The following GPR143 variants were observed in gnomAD, a reference collection of about 807,000 sequenced individuals.
GPR143 encodes the protein G protein-coupled receptor 143, also known as G-protein coupled receptor 143.
GPR143 carries 8 observed loss-of-function variants against 27.6 expected under a neutral mutation model. That is an observed-to-expected ratio of 0.29 (90% CI 0.17 to 0.52). The LOEUF (loss-of-function observed/expected upper bound fraction) is 0.52. GPR143 is among the 20% of genes least tolerant of loss of function. The pLI, the probability that GPR143 is intolerant of heterozygous loss-of-function variation, is 0.96. For synonymous variants in GPR143, 156 were observed against 153.2 expected (o/e 1.02, Z -0.13); for missense variants, 303 against 343.1 (o/e 0.88, Z 0.92).
intron 1 of GPR143, among the ~76,000 whole-genome samples, chrX:9,763,181 C>T (rs998580092): frequency 4.5e-5 from 5 of 110,128 alleles, no homozygotes; most frequent in Non-Finnish European, 7.6e-5. Context: ...TCAAGCAATC[C>T]GTCCACCACA....
At chrX:9,769,371 C>T (rs772228970), upstream of GPR143, among the ~76,000 whole-genome samples, 3 of 111,327 alleles carry the variant, frequency 2.7e-5, no homozygotes, top group South Asian at 7.6e-4. Context: ...TGCTGGAAGA[C>T]GGTTCCTGAG....
At chrX:9,753,259 G>C (rs762176081) in intron 3 of GPR143, among the ~76,000 whole-genome samples, 2 of 110,213 alleles carry the variant, frequency 1.8e-5, no homozygotes, top group Non-Finnish European at 3.8e-5. Flanking sequence ...TCAGGAGACT[G>C]AGGCAGGAGA....
chrX:9,774,868 G>T (rs757673647), intron 1 of GPR143, among the ~76,000 whole-genome samples: 114 of 110,668 alleles, frequency 1.0e-3, no homozygotes, highest in African/African-American at 3.7e-3. Context: ...TTTTTTGTTT[G>T]TTTGGTTTTT....
At chrX:9,774,613 T>A (rs1027969684) in intron 1 of GPR143, among the ~76,000 whole-genome samples, 1 of 94,982 alleles carries the variant, frequency 1.1e-5, no homozygotes, top group African/African-American at 3.9e-5. Flanking sequence ...AGGAAATCTT[T>A]AATGGACGGA....
chrX:9,769,189 C>T (rs1248423333), upstream of GPR143, among the ~76,000 whole-genome samples: 1 of 111,762 alleles, frequency 8.9e-6, no homozygotes, highest in Non-Finnish European at 1.9e-5. Flanking sequence ...ATGAACCCTT[C>T]CTCCGTTTTT....
In GPR143 at chrX:9,730,368, C is replaced by T. The variant is rs755298334; in HGVS notation, c.1121-4528G>A. Among the ~76,000 whole-genome samples, 7 of 65,331 alleles carry T rather than the reference C, an allele frequency of 1.1e-4. 1 individual carries two copies. Among genetic ancestry groups the T allele is most frequent in the Admixed American group, 4.4e-4 (2 of 4,556 alleles). The allele number at this position is 65,331 out of a possible 115,157, so 56.7% of individuals were successfully genotyped here. A position where few individuals can be genotyped will look rare whatever the true frequency, so the allele number is the denominator to read the frequency against. On this transcript the variant is annotated intron_variant, in intron 8 of 8. Transcript: ENST00000467482. Reference sequence around the variant, plus strand: ...CACTTCAAGGTGTTAAATTTGATCTCGCCAGCTCAACAAAGTCCAAGGCCC... The same window carrying T: ...CACTTCAAGGTGTTAAATTTGATCTTGCCAGCTCAACAAAGTCCAAGGCCC...
chrX:9,757,991 T>C (rs2083480257), intron 3 of GPR143, among the ~76,000 whole-genome samples: 1 of 110,838 alleles, frequency 9.0e-6, no homozygotes, highest in African/African-American at 3.3e-5. Flanking sequence ...TCAAAACTCC[T>C]GGGCTCAAGC....
At chrX:9,756,097 T>A (rs2083472943) in intron 3 of GPR143, among the ~76,000 whole-genome samples, 2 of 112,283 alleles carry the variant, frequency 1.8e-5, no homozygotes, top group Admixed American at 1.9e-4. Flanking sequence ...AGCGGGGATC[T>A]ACTGGGATTA....
At position 9,748,669 on chromosome X, in the gene GPR143, AG is replaced by A; in HGVS notation, c.456-4del. Reference sequence around the variant, plus strand: ...TGATGTGATACAGCAGGATGGTGCTAGGGGACAAGCACAACAGCAGCCACAG... The same window carrying A: ...TGATGTGATACAGCAGGATGGTGCTAGGGACAAGCACAACAGCAGCCACAG... On this transcript the variant is annotated splice_polypyrimidine_tract_variant and splice_region_variant and intron_variant, in intron 3 of 8. Transcript: ENST00000467482. 8.5e-7 allele frequency: 1 copy of A among 1,177,012 alleles called. No homozygotes were observed. The highest frequency in any genetic ancestry group is 1.7e-5 in the African/African-American group (1 of 57,247).
In GPR143 at chrX:9,777,353, G is replaced by A. The variant is rs192626636; in HGVS notation, c.-3+8889C>T. Among the ~76,000 whole-genome samples the A allele has an allele frequency of 5.4e-5, 6 of 112,092 alleles. No homozygotes were observed. The East Asian group carries it at 1.1e-3, about 21-fold the overall frequency. On this transcript the variant is annotated intron_variant, in intron 1 of 7. Coordinates refer to the GPR143 transcript ENST00000447366. ...GCCTGGGAGATTGAGCCTACAGTGA[G>A]CTATGATTGCACCACTGCACTCCAG...
chrX:9,751,073 C>T (rs1201694431), intron 3 of GPR143, among the ~76,000 whole-genome samples: 2 of 112,722 alleles, frequency 1.8e-5, no homozygotes, highest in Non-Finnish European at 3.8e-5. Context: ...TAACTAGCTG[C>T]ATCACCTCGG....
chrX:9,728,273 G>T (rs754607991), intron 8 of GPR143, among the ~76,000 whole-genome samples: 1 of 110,143 alleles, frequency 9.1e-6, no homozygotes, highest in East Asian at 2.8e-4. Flanking sequence ...TAGGTGCCTT[G>T]ACAGCAACGG....
chrX:9,769,569 A>C (rs1326568133), upstream of GPR143, among the ~76,000 whole-genome samples: 1 of 112,141 alleles, frequency 8.9e-6, no homozygotes, highest in Non-Finnish European at 1.9e-5. Flanking sequence ...TTGAATTTAA[A>C]TAATAAATAA....
chrX:9,778,047 C>T (rs1029081173), intron 1 of GPR143, among the ~76,000 whole-genome samples: 5 of 110,065 alleles, frequency 4.5e-5, no homozygotes, highest in Non-Finnish European at 7.6e-5. Context: ...GCTGAGATCG[C>T]GCCACTGCAC....
intron 1 of GPR143, among the ~76,000 whole-genome samples, chrX:9,772,440 A>G (rs2083557716): frequency 8.9e-6 from 1 of 112,145 alleles, no homozygotes; most frequent in Admixed American, 9.5e-5. Context: ...TGTGAGAACA[A>G]GGTGAAAATG....
intron 3 of GPR143, among the ~76,000 whole-genome samples, chrX:9,757,467 G>A (rs1487604550): frequency 8.9e-6 from 1 of 112,363 alleles, no homozygotes; most frequent in African/African-American, 3.2e-5. Flanking sequence ...CCGTGAAAAT[G>A]TTACACTGAG....
At chrX:9,759,261 C>T (rs145589208) in intron 3 of GPR143, 71 bp downstream of exon 3, 34 of 662,989 alleles carry the variant, frequency 5.1e-5, no homozygotes, top group Non-Finnish European at 7.3e-5. Flanking sequence ...TACTTTTAAA[C>T]GCTCAGTGCC....
chrX:9,750,255 G>A (rs2083445861), intron 3 of GPR143, among the ~76,000 whole-genome samples: 1 of 111,821 alleles, frequency 8.9e-6, no homozygotes, highest in Non-Finnish European at 1.9e-5. Context: ...TGTGGCCCAG[G>A]CTGGAGTCCA....
chrX:9,733,957 A>G (rs5979163), intron 8 of GPR143, among the ~76,000 whole-genome samples: 33,747 of 107,660 alleles, frequency 0.31, 5,406 homozygotes, highest in African/African-American at 0.58. Flanking sequence ...GTGGGTGCCT[A>G]TAATCCCAGC....
Sources: gnomAD v4.1 joint callset for allele counts (sites outside exome capture counted in the v4.1 genomes callset) on GRCh38, gnomAD v4.1.1 for gene constraint, MANE v1.5 for transcripts, NCBI Gene and HGNC (gene_info 2026-07-23, HGNC 2026-07-21) for gene names.